Variants in SBF2 observed in about 807,000 individuals in gnomAD.
SBF2 encodes SET binding factor 2, also known as myotubularin-related protein 13.
In SBF2, 112 loss-of-function variants were observed where a neutral mutation model predicts 225.2. The ratio of observed to expected loss-of-function variants is 0.50; its 90% CI spans 0.43 to 0.58. The LOEUF (loss-of-function observed/expected upper bound fraction) is 0.58, where lower values mean the gene tolerates loss of function less well. Among genes scored for constraint, SBF2 ranks in the 20% least tolerant of loss-of-function variants. The pLI is 0.00. For missense variants in SBF2, 1,996 were observed against 2,206.2 expected (o/e 0.90, Z 1.91); for synonymous variants, 763 against 773.3 (o/e 0.99, Z 0.22).
chr11:10,194,106 A>G (rs996177074), intron 1 of SBF2, 119 bp from the exon 2 acceptor site: 4 of 781,686 alleles, frequency 5.1e-6, no homozygotes, highest in Non-Finnish European at 8.7e-6. Flanking sequence ...CTGATTAAAC[A>G]TTTTCAAGTT....
chr11:10,161,237 C>T (rs1044602057), intron 2 of SBF2, among the ~76,000 whole-genome samples: 3 of 149,110 alleles, frequency 2.0e-5, no homozygotes, highest in African/African-American at 7.4e-5. Flanking sequence ...AGTTTTCAAT[C>T]GTTTTTTTCT....
intron 6 of SBF2, 116 bp downstream of exon 6, chr11:10,028,336 T>C (rs942069399): frequency 7.9e-5 from 57 of 722,106 alleles, no homozygotes; most frequent in Non-Finnish European, 2.5e-5. Context: ...ATATATAAAA[T>C]ATTTAATGGT....
chr11:9,852,816 AT>A, intron 20 of SBF2, 67 bp from the exon 21 acceptor site: 1 of 1,200,370 alleles, frequency 8.3e-7, no homozygotes, highest in Non-Finnish European at 1.2e-6. Context: ...AATTCTGGAT[AT>A]TTTAGAATTA....
At chr11:9,812,440 C>T (rs1205167227) in intron 30 of SBF2, 92 bp downstream of exon 30, 5 of 1,375,802 alleles carry the variant, frequency 3.6e-6, no homozygotes, top group Non-Finnish European at 4.1e-6. Context: ...AGTAGGGGAA[C>T]AAAGTATTTT....
At chr11:10,286,014 T>C (rs1459110796) in intron 1 of SBF2, among the ~76,000 whole-genome samples, 1 of 152,066 alleles carries the variant, frequency 6.6e-6, no homozygotes, top group Non-Finnish European at 1.5e-5. Context: ...GATCTTTTTT[T>C]TGGAGAAAAA....
chr11:10,202,077 A>G (rs1957587794), intron 1 of SBF2, among the ~76,000 whole-genome samples: 1 of 152,240 alleles, frequency 6.6e-6, no homozygotes, highest in Admixed American at 6.5e-5. Context: ...AACTAAACAT[A>G]TGATCTAGCA....
intron 1 of SBF2, among the ~76,000 whole-genome samples, chr11:10,267,393 C>T (rs1479806576): frequency 1.3e-5 from 2 of 151,586 alleles, no homozygotes; most frequent in African/African-American, 4.9e-5. Context: ...CGAGTAAGAA[C>T]TGATAAGGGC....
chr11:9,859,113 G>A lies in SBF2; in HGVS notation c.1930-717C>T, dbSNP rs577528114. On this transcript the variant is annotated intron_variant, in intron 17 of 39. Coordinates refer to ENST00000256190, the MANE Select transcript of SBF2 (RefSeq NM_030962.4). ...AGAGGTGATTAACAACAGAGGGAAG[G>A]AAAATGAACTCTGCAGGCATTTAGA... is the stretch of plus-strand genomic sequence containing the variant. Among the ~76,000 whole-genome samples the A allele has an allele frequency of 2.1e-4, 32 of 152,280 alleles. No individual in the cohort carries two copies. The South Asian group carries it at 5.8e-3, about 28-fold the overall frequency.
chr11:10,221,521 G>A (rs761527094), intron 1 of SBF2, among the ~76,000 whole-genome samples: 1 of 152,066 alleles, frequency 6.6e-6, no homozygotes. Flanking sequence ...GCATCATACA[G>A]CTACAAAGCT....
chr11:9,971,045 A>C (rs939751967), intron 13 of SBF2, among the ~76,000 whole-genome samples: 4 of 152,162 alleles, frequency 2.6e-5, no homozygotes, highest in Non-Finnish European at 5.9e-5. Context: ...CTGTCTTCCC[A>C]AAAATAATAA....
upstream of SBF2, among the ~76,000 whole-genome samples, chr11:10,294,924 G>A (rs546370839): frequency 6.6e-6 from 1 of 152,378 alleles, no homozygotes; most frequent in South Asian, 2.1e-4. Context: ...CGCAGCCCGA[G>A]CAGGTGGACT....
At chr11:10,222,235 A>T (rs1033983644) in intron 1 of SBF2, among the ~76,000 whole-genome samples, 1 of 152,182 alleles carries the variant, frequency 6.6e-6, no homozygotes, top group African/African-American at 2.4e-5. Flanking sequence ...CCAAAACACA[A>T]TCTAAAATTC....
At chr11:10,071,424 G>A (rs768901107) in intron 2 of SBF2, among the ~76,000 whole-genome samples, 3 of 151,898 alleles carry the variant, frequency 2.0e-5, no homozygotes, top group Admixed American at 6.6e-5. Flanking sequence ...CCGCAACCAC[G>A]CCTGGCTAAT....
intron 2 of SBF2, among the ~76,000 whole-genome samples, chr11:10,050,463 A>G (rs1324261367): frequency 2.0e-5 from 3 of 152,162 alleles, no homozygotes; most frequent in Non-Finnish European, 4.4e-5. Context: ...CTATACATAC[A>G]TAACAATGAT....
intron 26 of SBF2, among the ~76,000 whole-genome samples, chr11:9,833,855 C>G (rs1263575552): frequency 6.7e-6 from 1 of 149,668 alleles, no homozygotes; most frequent in African/African-American, 2.5e-5. Flanking sequence ...ACCGCAACCT[C>G]TGCCTCCGGG....
intron 16 of SBF2, among the ~76,000 whole-genome samples, chr11:9,931,041 T>C (rs1042360932): frequency 6.6e-6 from 1 of 152,244 alleles, no homozygotes; most frequent in Non-Finnish European, 1.5e-5. Context: ...GGTGGCAGCC[T>C]GGCTGGGGGA....
At chr11:10,093,748 G>C (rs1174546511) in intron 2 of SBF2, among the ~76,000 whole-genome samples, 2 of 152,148 alleles carry the variant, frequency 1.3e-5, no homozygotes, top group African/African-American at 4.8e-5. Flanking sequence ...AGAAAGGTTA[G>C]CCTGAAATAC....
At chr11:9,797,266 T>C (rs553641439) in intron 32 of SBF2, among the ~76,000 whole-genome samples, 5 of 152,350 alleles carry the variant, frequency 3.3e-5, no homozygotes, top group South Asian at 2.1e-4. Context: ...CTGGATATCA[T>C]TGATTTATCA....
At chr11:9,914,277 C>T (rs1265664304) in intron 16 of SBF2, among the ~76,000 whole-genome samples, 1 of 152,048 alleles carries the variant, frequency 6.6e-6, no homozygotes, top group East Asian at 1.9e-4. Context: ...AAAAGTAATG[C>T]TAGAGATCAA....
Sources: gnomAD v4.1 joint callset for allele counts (sites outside exome capture counted in the v4.1 genomes callset) on GRCh38, gnomAD v4.1.1 for gene constraint, MANE v1.5 for transcripts, NCBI Gene and HGNC (gene_info 2026-07-23, HGNC 2026-07-21) for gene names.